Variants in STOX2 observed in about 807,000 individuals in gnomAD.
STOX2 encodes the protein storkhead box 2, also known as storkhead-box protein 2.
Under a neutral mutation model 60.9 loss-of-function variants are expected in STOX2, and 28 were observed. That is an observed-to-expected ratio of 0.46 (90% CI 0.34 to 0.63). The LOEUF (loss-of-function observed/expected upper bound fraction) is 0.63, where lower values mean the gene tolerates loss of function less well. STOX2 is among the 30% of genes least tolerant of loss of function. The pLI is 0.01. For missense variants in STOX2, 1,024 were observed against 1,187.7 expected, an observed-to-expected ratio of 0.86 and a Z score of 2.03; for synonymous variants, 472 against 463.9, an observed-to-expected ratio of 1.02 and a Z score of -0.22.
chr4:183,994,019 G>A (rs1041257328), intron 1 of STOX2, among the ~76,000 whole-genome samples: 5 of 152,270 alleles, frequency 3.3e-5, no homozygotes, highest in African/African-American at 4.8e-5. Context: ...ACATAAAATT[G>A]GGGTTAATAA....
chr4:183,942,996 T>A (rs73002629), intron 1 of STOX2, among the ~76,000 whole-genome samples: 15,088 of 152,218 alleles, frequency 0.099, 2,545 homozygotes, highest in African/African-American at 0.34. Context: ...TTTCAACTTT[T>A]CTGGAAGACT....
chr4:183,903,731 C>T (rs13136254), upstream of STOX2, among the ~76,000 whole-genome samples: 123,849 of 152,126 alleles, frequency 0.81, 51,727 homozygotes, highest in East Asian at 0.94. Flanking sequence ...TGTCAGTTCT[C>T]CTACATTCAT....
At chr4:183,802,013 C>T (rs915266723) in intron 1 of STOX2, among the ~76,000 whole-genome samples, 6 of 152,158 alleles carry the variant, frequency 3.9e-5, no homozygotes, top group Admixed American at 6.5e-5. Context: ...GGTTAGTACC[C>T]GAAGAAAGAC....
intron 1 of STOX2, among the ~76,000 whole-genome samples, chr4:183,987,125 T>C (rs1233158105): frequency 8.5e-5 from 13 of 152,192 alleles, no homozygotes; most frequent in Admixed American, 4.6e-4. Flanking sequence ...TTTGGCGTTA[T>C]TGGATTTGGG....
intron 1 of STOX2, among the ~76,000 whole-genome samples, chr4:183,896,300 C>T (rs1297252438): frequency 6.6e-6 from 1 of 152,160 alleles, no homozygotes; most frequent in East Asian, 1.9e-4. Context: ...GTGGGAGTAT[C>T]ATCAGGCGCA....
At chr4:183,908,286 T>C (rs1054977030) in intron 1 of STOX2, among the ~76,000 whole-genome samples, 1 of 152,250 alleles carries the variant, frequency 6.6e-6, no homozygotes, top group South Asian at 2.1e-4. Flanking sequence ...TTTAAGTCGC[T>C]GCTGTGGTTG....
chr4:183,808,519 T>C (rs888437733), intron 1 of STOX2, among the ~76,000 whole-genome samples: 8 of 152,240 alleles, frequency 5.3e-5, no homozygotes, highest in African/African-American at 1.9e-4. Context: ...GTTATTAATT[T>C]GTAACAAAAA....
intron 1 of STOX2, among the ~76,000 whole-genome samples, chr4:183,937,227 G>C (rs1240181147): frequency 2.0e-5 from 3 of 152,178 alleles, no homozygotes; most frequent in African/African-American, 7.2e-5. Context: ...ACACATTGAG[G>C]CTCTTTAATG....
chr4:184,005,840 A>T (rs1733801861), intron 2 of STOX2, among the ~76,000 whole-genome samples: 1 of 152,248 alleles, frequency 6.6e-6, no homozygotes, highest in East Asian at 1.9e-4. Flanking sequence ...CACAGCATGG[A>T]AAATGGCTTG....
At chr4:183,989,936 TAAG>T (rs373894319) in intron 1 of STOX2, among the ~76,000 whole-genome samples, 9 of 152,222 alleles carry the variant, frequency 5.9e-5, no homozygotes, top group African/African-American at 2.2e-4. Context: ...ATGTAATAGG[TAAG>T]AATTTTTAGA....
In STOX2 at chr4:183,821,474, G is replaced by A. The variant is rs1204153426; in HGVS notation, c.364+23419G>A. On this transcript the variant is annotated intron_variant, in intron 1 of 2. Coordinates refer to the STOX2 transcript ENST00000513034. This position sits in a 1 kb window ranked among gnomAD's most constrained non-coding sequence, Gnocchi z 4.2. ...GTAATTCCTTTTCTTCTACCTGCTGGATATTTTCACCCATGACCCTTAAGA... is the reference window on the plus strand; with the variant it reads ...GTAATTCCTTTTCTTCTACCTGCTGAATATTTTCACCCATGACCCTTAAGA... Among the ~76,000 whole-genome samples the A allele has an allele frequency of 1.3e-5, 2 of 152,232 alleles. No homozygotes were observed. Among genetic ancestry groups the A allele is most frequent in the Non-Finnish European group, 2.9e-5 (2 of 68,046 alleles).
chr4:183,975,513 A>G (rs1375807160), intron 1 of STOX2, among the ~76,000 whole-genome samples: 1 of 152,186 alleles, frequency 6.6e-6, no homozygotes, highest in African/African-American at 2.4e-5. Flanking sequence ...AGTCCCCACA[A>G]AAATATAATA....
At chr4:183,851,376 A>AGAAACGATGAGGGAAAGGATGAGG (rs1740130886) in intron 1 of STOX2, among the ~76,000 whole-genome samples, 3 of 24,392 alleles carry the variant, frequency 1.2e-4, no homozygotes, top group African/African-American at 1.4e-4. Context: ...AAAGGATGAG[A>AGAAACGATGAGGGAAAGGATGAGG]GAAACGATGA....
chr4:184,003,948 ATT>A (rs34806465), intron 2 of STOX2, among the ~76,000 whole-genome samples: 21,713 of 147,652 alleles, frequency 0.15, 2,065 homozygotes, highest in East Asian at 0.36. Context: ...CCTTCCTTTG[ATT>A]TTTTTTTTTG....
intron 1 of STOX2, among the ~76,000 whole-genome samples, chr4:183,969,906 G>A (rs184078593): frequency 4.6e-5 from 7 of 152,290 alleles, no homozygotes; most frequent in African/African-American, 1.4e-4. Context: ...CCAGGCGTGA[G>A]CCACCACACC....
At chr4:183,803,911 C>T (rs772039768) in intron 1 of STOX2, among the ~76,000 whole-genome samples, 13 of 151,882 alleles carry the variant, frequency 8.6e-5, no homozygotes, top group East Asian at 3.9e-4. Flanking sequence ...TGTAGTGAGC[C>T]GAGCTGAGAT....
At chr4:183,848,212 G>A (rs1257421060) in intron 1 of STOX2, among the ~76,000 whole-genome samples, 1 of 152,168 alleles carries the variant, frequency 6.6e-6, no homozygotes, top group Non-Finnish European at 1.5e-5. Context: ...CAGAGTAGTG[G>A]CCTAATGATG....
chr4:183,919,745 A>T (rs959354499), intron 1 of STOX2, among the ~76,000 whole-genome samples: 2 of 151,858 alleles, frequency 1.3e-5, no homozygotes, highest in Non-Finnish European at 2.9e-5. Flanking sequence ...AGCTGGGATT[A>T]GAGTTGTGTA....
intron 3 of STOX2, among the ~76,000 whole-genome samples, chr4:184,012,109 C>T (rs555003519): frequency 1.3e-5 from 2 of 152,190 alleles, no homozygotes; most frequent in Non-Finnish European, 2.9e-5. Flanking sequence ...AATTGTAGTT[C>T]CTTCTTGTTA....
Sources: allele counts gnomAD v4.1 joint callset (sites outside exome capture counted in the v4.1 genomes callset), GRCh38; gene constraint gnomAD v4.1.1; non-coding constraint Gnocchi (gnomAD v3.1); transcripts MANE v1.5; gene names NCBI Gene and HGNC (gene_info 2026-07-23, HGNC 2026-07-21).